Variants in DIP2C observed in about 807,000 individuals in gnomAD.
The protein encoded by DIP2C is DIP2 acetate--CoA ligase C (putative).
In DIP2C, 33 loss-of-function variants were observed where a neutral mutation model predicts 192.4. The observed-to-expected ratio is 0.17, with a 90% confidence interval of 0.13 to 0.23. The LOEUF is 0.23. Among genes scored for constraint, DIP2C ranks in the 10% least tolerant of loss-of-function variants. The probability of loss-of-function intolerance (pLI) is 1.00; values close to 1 mark genes in which losing one functional copy is unlikely to be tolerated. For synonymous variants in DIP2C, 979 were observed against 864.1 expected, an observed-to-expected ratio of 1.13 and a Z score of -2.33; for missense variants, 1,537 against 2,110.1, an observed-to-expected ratio of 0.73 and a Z score of 5.32.
At chr10:568,302 A>G (rs1057333882) in intron 1 of DIP2C, among the ~76,000 whole-genome samples, 2 of 152,188 alleles carry the variant, frequency 1.3e-5, no homozygotes, top group African/African-American at 4.8e-5. Context: ...CTTGCAAATG[A>G]GGAGTGAAGA....
At chr10:566,105 T>C (rs1156379043) in intron 1 of DIP2C, among the ~76,000 whole-genome samples, 2 of 152,236 alleles carry the variant, frequency 1.3e-5, no homozygotes, top group South Asian at 2.1e-4. Context: ...GCTCTAAGAA[T>C]AGAAACTTCT....
intron 4 of DIP2C, among the ~76,000 whole-genome samples, chr10:428,298 A>G (rs1966726392): frequency 6.6e-6 from 1 of 152,156 alleles, no homozygotes; most frequent in Non-Finnish European, 1.5e-5. Context: ...AGCATTTGCA[A>G]TCAGCCTAAA....
chr10:464,465 G>A (rs1214979947), intron 3 of DIP2C, among the ~76,000 whole-genome samples: 1 of 152,052 alleles, frequency 6.6e-6, no homozygotes, highest in Non-Finnish European at 1.5e-5. Context: ...ACGCCAGTTA[G>A]AATGGTTATC....
rs1958352558 is a variant in DIP2C at position 344,855 on chromosome 10, T to C, written c.3407A>G (p.Tyr1136Cys). ...CKPCNPDTLAYLDFSVSTTGM... is the reference protein window; with the variant it reads ...CKPCNPDTLACLDFSVSTTGM... ...AGTTGTGGACACGCTGAAGTCGAGATATGCAAGAGTGTCTGGGTTGCAAGG... is the reference window on the plus strand; with the variant it reads ...AGTTGTGGACACGCTGAAGTCGAGACATGCAAGAGTGTCTGGGTTGCAAGG... The change falls in exon 28 of 37, where the codon TAT becomes TGT. Residue 1136 changes from tyrosine (Y) to cysteine (C), a missense_variant. This residue lies in a region of DIP2C where 46 missense variants were observed against 28.9 expected (regional missense o/e 1.59). Transcript: ENST00000280886. The C allele has an allele frequency of 1.2e-6, 2 of 1,606,018 alleles. No homozygotes were observed. Among genetic ancestry groups the C allele is most frequent in the Admixed American group, 1.7e-5 (1 of 58,814 alleles).
At chr10:324,774 C>T (rs751601888) in intron 31 of DIP2C, 17 of 377,856 alleles carry the variant, frequency 4.5e-5, no homozygotes, top group Non-Finnish European at 8.2e-5. Context: ...ATATCCACCA[C>T]GTGTCAGGCC....
At chr10:337,890 CTG>C (rs1210088567) in intron 29 of DIP2C, among the ~76,000 whole-genome samples, 3 of 125,274 alleles carry the variant, frequency 2.4e-5, no homozygotes, top group Non-Finnish European at 4.9e-5. Flanking sequence ...GCCTAGGAAG[CTG>C]TGTGTGTGTG....
intron 31 of DIP2C, chr10:325,124 G>A (rs750418998): frequency 1.3e-4 from 47 of 351,960 alleles, no homozygotes; most frequent in Non-Finnish European, 1.7e-4. Flanking sequence ...AATTAGCTGC[G>A]CTTGGTGGCG....
chr10:446,758 G>C (rs987473658), intron 3 of DIP2C, among the ~76,000 whole-genome samples: 1 of 152,222 alleles, frequency 6.6e-6, no homozygotes, highest in African/African-American at 2.4e-5. Flanking sequence ...TTCTGTTCCT[G>C]ATGTGACAGG....
intron 18 of DIP2C, among the ~76,000 whole-genome samples, chr10:367,071 G>A (rs747284011): frequency 2.4e-4 from 36 of 152,344 alleles, no homozygotes; most frequent in Non-Finnish European, 5.1e-4. Context: ...GCCGGCACCC[G>A]CTGGGCTGGA....
intron 1 of DIP2C, among the ~76,000 whole-genome samples, chr10:508,918 G>A (rs142720190): frequency 2.5e-4 from 38 of 152,252 alleles, no homozygotes; most frequent in Non-Finnish European, 4.3e-4. Context: ...TGACCCGACC[G>A]TCCACCTCCA....
At chr10:489,869 G>C (rs1463229500) in intron 1 of DIP2C, among the ~76,000 whole-genome samples, 9 of 65,134 alleles carry the variant, frequency 1.4e-4, no homozygotes, top group East Asian at 4.9e-4. Flanking sequence ...AGTGCCCGGG[G>C]CTTCCTCCAT....
intron 1 of DIP2C, among the ~76,000 whole-genome samples, chr10:605,232 A>G (rs1300927583): frequency 3.3e-5 from 5 of 152,174 alleles, no homozygotes; most frequent in African/African-American, 1.2e-4. Flanking sequence ...GTTCCTTTTA[A>G]AATGGGGAAC....
At chr10:440,740 G>T in intron 4 of DIP2C, 131 bp downstream of exon 4, 1 of 1,318,806 alleles carries the variant, frequency 7.6e-7, no homozygotes. Context: ...CACTGTTTTT[G>T]GACTTCTGGT....
intron 1 of DIP2C, among the ~76,000 whole-genome samples, chr10:602,672 G>T (rs1304581551): frequency 6.6e-6 from 1 of 152,204 alleles, no homozygotes; most frequent in Non-Finnish European, 1.5e-5. Context: ...ATCTACAGCA[G>T]CCCAGACAGT....
intron 1 of DIP2C, among the ~76,000 whole-genome samples, chr10:527,258 C>A (rs1165754849): frequency 2.0e-5 from 3 of 152,312 alleles, no homozygotes; most frequent in African/African-American, 4.8e-5. Flanking sequence ...CAAAACAGCA[C>A]CTCTGAAGTC....
Position 636,273 on chromosome 10 carries a change from CA to C in DIP2C, c.85+53220del, listed in dbSNP as rs1854834588. On this transcript the variant is annotated intron_variant, in intron 1 of 36. Transcript: ENST00000280886. The surrounding 1 kb of genome is among the most constrained non-coding windows in gnomAD (Gnocchi z 4.6). ...CTTGACTCACTTCCATACCAATTTC[CA>C]GATGTATTTTTACTTTCCCACATTT... 6.6e-6 allele frequency among the ~76,000 whole-genome samples: 1 copy of C among 152,146 alleles called. No homozygotes were observed. The highest frequency in any genetic ancestry group is 2.1e-4 in the South Asian group (1 of 4,830).
chr10:410,999 AGT>A (rs1965147936), intron 8 of DIP2C, among the ~76,000 whole-genome samples: 1 of 152,294 alleles, frequency 6.6e-6, no homozygotes, highest in Non-Finnish European at 1.5e-5. Context: ...AACTGAACAG[AGT>A]GTAACTGGTG....
chr10:626,636 C>T (rs920910649), intron 1 of DIP2C, among the ~76,000 whole-genome samples: 3 of 152,130 alleles, frequency 2.0e-5, no homozygotes, highest in Admixed American at 1.3e-4. Flanking sequence ...GCATTCCGGC[C>T]TATTCAGGAC....
intron 1 of DIP2C, chr10:630,358 T>G (rs1301852474): frequency 6.6e-6 from 1 of 152,238 alleles, no homozygotes; most frequent in East Asian, 1.9e-4. Context: ...CAGTTGTAAT[T>G]ATAGCTCTAC....
Sources: gnomAD v4.1 joint callset for allele counts (sites outside exome capture counted in the v4.1 genomes callset) on GRCh38, gnomAD v4.1.1 for gene constraint, gnomAD v4.1.1 regional missense constraint, Gnocchi (gnomAD v3.1) non-coding constraint, MANE v1.5 for transcripts, NCBI Gene and HGNC (gene_info 2026-07-23, HGNC 2026-07-21) for gene names.